Variants in STK32B observed in about 807,000 individuals in gnomAD.
STK32B encodes the protein serine/threonine kinase 32B.
A neutral mutation model predicts 52.6 loss-of-function variants in STK32B; 43 were observed. That is an observed-to-expected ratio of 0.82 (90% CI 0.64 to 1.05). The LOEUF (loss-of-function observed/expected upper bound fraction) is 1.05, where lower values mean the gene tolerates loss of function less well. Ranked by LOEUF, STK32B falls within the 50% of genes least tolerant of loss-of-function variation. The pLI is 0.00. For synonymous variants in STK32B, 238 were observed against 204.3 expected (o/e 1.17, Z -1.41); for missense variants, 621 against 534.6 (o/e 1.16, Z -1.59).
At chr4:5,334,853 T>G (rs1732531096) in intron 4 of STK32B, among the ~76,000 whole-genome samples, 1 of 152,192 alleles carries the variant, frequency 6.6e-6, no homozygotes, top group Middle Eastern at 3.4e-3. Flanking sequence ...GATAAGCTTT[T>G]TGATGTGCTG....
intron 1 of STK32B, among the ~76,000 whole-genome samples, chr4:5,101,157 C>T (rs1407871692): frequency 6.6e-6 from 1 of 152,210 alleles, no homozygotes; most frequent in Non-Finnish European, 1.5e-5. Context: ...AATGCTCCTG[C>T]CTCAGCCTCC....
chr4:5,053,894 G>A (rs897261223), intron 1 of STK32B, among the ~76,000 whole-genome samples: 2 of 152,022 alleles, frequency 1.3e-5, no homozygotes, highest in Admixed American at 6.6e-5. Flanking sequence ...CAGGAGAATC[G>A]CTTGAACCCG....
At chr4:5,172,438 T>A (rs1207725356) in intron 3 of STK32B, among the ~76,000 whole-genome samples, 2 of 151,964 alleles carry the variant, frequency 1.3e-5, no homozygotes, top group Non-Finnish European at 2.9e-5. Context: ...TGATATTGGC[T>A]GTGGGTTTGT....
chr4:5,322,050 C>T (rs1341844312), intron 3 of STK32B, among the ~76,000 whole-genome samples: 2 of 145,630 alleles, frequency 1.4e-5, no homozygotes, highest in Non-Finnish European at 3.0e-5. Context: ...GGGGGTTGGG[C>T]TGGCTGAACA....
intron 11 of STK32B, among the ~76,000 whole-genome samples, chr4:5,468,580 G>T (rs554317759): frequency 6.6e-6 from 1 of 152,168 alleles, no homozygotes; most frequent in African/African-American, 2.4e-5. Flanking sequence ...AGGTAATGAC[G>T]ATTGTTACTA....
intron 3 of STK32B, among the ~76,000 whole-genome samples, chr4:5,215,839 A>T (rs949173404): frequency 6.6e-6 from 1 of 152,176 alleles, no homozygotes; most frequent in Non-Finnish European, 1.5e-5. Flanking sequence ...CCAGTGTTCA[A>T]GTCAATATCC....
chr4:5,474,221 C>T (rs1718058615), intron 11 of STK32B, among the ~76,000 whole-genome samples: 1 of 152,218 alleles, frequency 6.6e-6, no homozygotes, highest in African/African-American at 2.4e-5. Flanking sequence ...GACCCTCCAG[C>T]ATGGCCTGGA....
In STK32B at chr4:5,170,271, G is replaced by C. The variant is rs182676884; in HGVS notation, c.260+1821G>C. Among the ~76,000 whole-genome samples, 21 of 152,126 alleles carry C rather than the reference G, an allele frequency of 1.4e-4. No individual in the cohort carries two copies. In the East Asian group the frequency reaches 3.7e-3, roughly 27 times the overall value. Reference sequence around the variant, plus strand: ...GTATGTTAAAGGAAAGGAATGTGTTGGAGTAGCCTTTACTTAGGCACCTTT... The same window carrying C: ...GTATGTTAAAGGAAAGGAATGTGTTCGAGTAGCCTTTACTTAGGCACCTTT... On this transcript the variant is annotated intron_variant, in intron 3 of 11. Coordinates refer to ENST00000282908, the MANE Select transcript of STK32B (RefSeq NM_018401.3).
intron 1 of STK32B, among the ~76,000 whole-genome samples, chr4:5,088,959 A>G (rs1196054638): frequency 6.6e-6 from 1 of 151,880 alleles, no homozygotes; most frequent in Non-Finnish European, 1.5e-5. Context: ...ATGGAAATAA[A>G]GGAACTAGAG....
At chr4:5,283,098 C>T (rs1577290632) in intron 3 of STK32B, among the ~76,000 whole-genome samples, 1 of 152,208 alleles carries the variant, frequency 6.6e-6, no homozygotes. Flanking sequence ...CCCTCCCTAG[C>T]CTCTGATAAC....
intron 4 of STK32B, among the ~76,000 whole-genome samples, chr4:5,374,652 G>A (rs900641425): frequency 4.6e-5 from 7 of 152,032 alleles, no homozygotes; most frequent in East Asian, 3.9e-4. Context: ...TCCCTTCAGC[G>A]TCTTTTATAA....
At chr4:5,456,710 A>G in intron 7 of STK32B, 97 bp from the exon 8 acceptor site, 1 of 1,116,406 alleles carries the variant, frequency 9.0e-7, no homozygotes, top group Non-Finnish European at 1.3e-6. Context: ...TTGAAGAGGA[A>G]GAATAAACCA....
In STK32B at chr4:5,274,646, T is replaced by G. The variant is rs1003106508; in HGVS notation, c.261-56574T>G. ...AGCGGGAGGGACAAGGATCAGCATA[T>G]AAACCCCGGCATTGGAGCTGGCAGC... On this transcript the variant is annotated intron_variant, in intron 3 of 11. Transcript: ENST00000282908. Among the ~76,000 whole-genome samples the G allele has an allele frequency of 3.9e-5, 6 of 152,204 alleles. No homozygotes were observed. In the East Asian group the frequency reaches 7.7e-4, roughly 20 times the overall value.
upstream of STK32B, among the ~76,000 whole-genome samples, chr4:5,047,843 C>A (rs980555269): frequency 4.6e-5 from 7 of 152,190 alleles, no homozygotes; most frequent in Admixed American, 4.6e-4. Flanking sequence ...GTGATCTTAT[C>A]TGGGAAAACA....
At chr4:5,472,261 T>C (rs959275883) in intron 11 of STK32B, among the ~76,000 whole-genome samples, 1 of 152,158 alleles carries the variant, frequency 6.6e-6, no homozygotes, top group African/African-American at 2.4e-5. Context: ...TACCAAACAG[T>C]GCGGTGTGTG....
chr4:5,406,226 G>A (rs1403153978), intron 5 of STK32B, among the ~76,000 whole-genome samples: 2 of 152,190 alleles, frequency 1.3e-5, no homozygotes, highest in East Asian at 1.9e-4. Flanking sequence ...CCACACTGAT[G>A]CAAGGGGTGG....
intron 4 of STK32B, among the ~76,000 whole-genome samples, chr4:5,359,654 C>G (rs2108996767): frequency 6.6e-6 from 1 of 152,216 alleles, no homozygotes; most frequent in South Asian, 2.1e-4. Context: ...ATTACAGAGA[C>G]CAGAGAAAGA....
intron 7 of STK32B, among the ~76,000 whole-genome samples, chr4:5,447,629 C>G (rs1000317792): frequency 6.6e-6 from 1 of 152,172 alleles, no homozygotes; most frequent in Admixed American, 6.5e-5. Context: ...GAGTGAGGCC[C>G]TGTCTCAGAA....
intron 3 of STK32B, among the ~76,000 whole-genome samples, chr4:5,181,016 G>A (rs201827784): frequency 0.074 from 11,247 of 152,136 alleles, 555 homozygotes; most frequent in African/African-American, 0.12. Flanking sequence ...CCATGAGTGG[G>A]AGCCCTGGTG....
Sources: gnomAD v4.1 joint callset for allele counts (sites outside exome capture counted in the v4.1 genomes callset) on GRCh38, gnomAD v4.1.1 for gene constraint, MANE v1.5 for transcripts, NCBI Gene and HGNC (gene_info 2026-07-23, HGNC 2026-07-21) for gene names.